The following XRN1 variants were observed in gnomAD, a reference collection of about 807,000 sequenced individuals.
The protein encoded by XRN1 is 5'-3' exoribonuclease 1.
Under a neutral mutation model 222.3 loss-of-function variants are expected in XRN1, and 67 were observed. The observed-to-expected ratio is 0.30, with a 90% CI of 0.25 to 0.37. XRN1 has a LOEUF of 0.37. Ranked by LOEUF, XRN1 falls within the 10% of genes least tolerant of loss-of-function variation. The pLI is 1.00. For missense variants in XRN1, 1,707 were observed against 2,000.2 expected, an observed-to-expected ratio of 0.85 and a Z score of 2.80; for synonymous variants, 643 against 652.4, an observed-to-expected ratio of 0.99 and a Z score of 0.22.
chr3:142,310,012 G>A lies in XRN1; in HGVS notation c.*1499C>T, dbSNP rs1425937202. 1 of 152,556 alleles carries A rather than the reference G, an allele frequency of 6.6e-6. No individual in the cohort carries two copies. The highest frequency in any genetic ancestry group is 1.5e-5 in the Non-Finnish European group (1 of 68,016). 9.5% of individuals were successfully genotyped at this position (152,556 alleles called of 1,614,324 possible). The stretch of plus-strand genomic sequence containing the variant: ...GAAAATAACAGAAAATAAAATCATG[G>A]AAACTTATACGACTATGATAAATGA... On this transcript the variant is annotated 3_prime_UTR_variant, in exon 41 of 41. Transcript: ENST00000392981.
chr3:142,380,302 T>G (rs762410443), intron 22 of XRN1, 122 bp from the exon 23 acceptor site: 63 of 777,904 alleles, frequency 8.1e-5, no homozygotes, highest in Non-Finnish European at 1.1e-4. Context: ...TCTCTTGAAA[T>G]TTGTTAAGTG....
intron 5 of XRN1, among the ~76,000 whole-genome samples, 190 bp downstream of exon 5, chr3:142,425,032 T>C (rs1417768485): frequency 6.6e-6 from 1 of 152,186 alleles, no homozygotes; most frequent in Non-Finnish European, 1.5e-5. Context: ...AGAGATCTGT[T>C]GGTCAATAAA....
At chr3:142,325,039 C>A (rs1163015093) in intron 37 of XRN1, among the ~76,000 whole-genome samples, 1 of 152,118 alleles carries the variant, frequency 6.6e-6, no homozygotes, top group African/African-American at 2.4e-5. Context: ...GGACAAATAT[C>A]TCTTACATAT....
intron 32 of XRN1, among the ~76,000 whole-genome samples, chr3:142,355,137 CACT>C (rs2066427185): frequency 6.6e-6 from 1 of 151,984 alleles, no homozygotes; most frequent in South Asian, 2.1e-4. Context: ...GTACTATGCT[CACT>C]GCCTGGGTGA....
chr3:142,353,744 A>G (rs77524397), intron 32 of XRN1, among the ~76,000 whole-genome samples: 5,692 of 152,310 alleles, frequency 0.037, 359 homozygotes, highest in African/African-American at 0.13. Flanking sequence ...AATCCAGGAA[A>G]TACCACTTGG....
chr3:142,332,822 C>A, intron 35 of XRN1, 145 bp downstream of exon 35: 6 of 1,277,506 alleles, frequency 4.7e-6, no homozygotes, highest in Non-Finnish European at 6.3e-6. Context: ...TTGCCCAGGG[C>A]AGCCTGGTTT....
At chr3:142,401,936 G>A (rs1359682663) in intron 18 of XRN1, among the ~76,000 whole-genome samples, 1 of 152,080 alleles carries the variant, frequency 6.6e-6, no homozygotes, top group Non-Finnish European at 1.5e-5. Context: ...TACATCCTCT[G>A]CTCCATGCTT....
At chr3:142,419,911 G>C (rs372547861) in intron 10 of XRN1, among the ~76,000 whole-genome samples, 1 of 151,992 alleles carries the variant, frequency 6.6e-6, no homozygotes, top group Non-Finnish European at 1.5e-5. Context: ...ACATTCTTTG[G>C]AGATTATCAG....
At chr3:142,418,689 A>G (rs1009237331) in intron 11 of XRN1, 80 bp from the exon 12 acceptor site, 2 of 1,422,568 alleles carry the variant, frequency 1.4e-6, no homozygotes, top group Non-Finnish European at 1.9e-6. Context: ...ATAAATGCAT[A>G]TCCAAGTTGA....
rs377312465 is a variant in XRN1, at chr3:142,370,567, G to A, written c.3122C>T (p.Thr1041Ile). The A allele has an allele frequency of 5.0e-6, 8 of 1,606,050 alleles. No homozygotes were observed. Among genetic ancestry groups the A allele is most frequent in the Non-Finnish European group, 6.8e-6 (8 of 1,177,330 alleles). The change falls in exon 27 of 41, where the codon ACT (threonine) becomes ATT (isoleucine). Residue 1041 changes from threonine (T) to isoleucine (I), a missense_variant. Thr to Ile is a moderately conservative substitution (Grantham distance 89). Transcript: ENST00000392981. ...TAAATCACAAGAAGAACGAGATAAA[G>A]TACTGACAGGATGTCCTTTTAGCCA... Reference protein sequence around the residue: ...ITWLKGHPVSTLSRSSCDLQI... With the variant: ...ITWLKGHPVSILSRSSCDLQI...
rs1427643056 is a variant in XRN1, at chr3:142,400,444, T to C, written c.2207A>G (p.Lys736Arg). The change falls in exon 19 of 41, where the codon AAG becomes AGG. Residue 736 changes from lysine (K) to arginine (R), a missense_variant and splice_region_variant. This residue lies in a region of XRN1 where 1,234 missense variants were observed against 1,518.2 expected (regional missense o/e 0.81). Coordinates refer to ENST00000392981, the MANE Select transcript of XRN1 (RefSeq NM_001282857.2). ...RVVAVSDGET[K>R]FYLEEPPGTQ... Reference sequence around the variant, plus strand: ...AAATTATAAATCAAATCTTACTTACTTAGTTTCTCCATCTGATACAGCCAC... The same window carrying C: ...AAATTATAAATCAAATCTTACTTACCTAGTTTCTCCATCTGATACAGCCAC... The C allele has an allele frequency of 1.3e-6, 2 of 1,595,688 alleles. No individual in the cohort carries two copies. Among genetic ancestry groups the C allele is most frequent in the Non-Finnish European group, 1.7e-6 (2 of 1,170,528 alleles).
At chr3:142,433,837 T>C (rs1409129137) in intron 1 of XRN1, among the ~76,000 whole-genome samples, 1 of 152,188 alleles carries the variant, frequency 6.6e-6, no homozygotes, top group Non-Finnish European at 1.5e-5. Context: ...TTACAACACG[T>C]ACAAGTAACA....
At chr3:142,397,768 T>C (rs1291590596) in intron 19 of XRN1, among the ~76,000 whole-genome samples, 4 of 152,156 alleles carry the variant, frequency 2.6e-5, no homozygotes. Context: ...ATAGCAACAG[T>C]AGGTTGACCA....
chr3:142,412,769 G>C, intron 14 of XRN1, 106 bp from the exon 15 acceptor site: 1 of 1,012,272 alleles, frequency 9.9e-7, no homozygotes, highest in Admixed American at 3.3e-5. Context: ...AAATTTCTAA[G>C]CAAAGCAAAC....
chr3:142,365,038 G>A lies in XRN1; in HGVS notation c.3394+9C>T, dbSNP rs2066773034. On this transcript the variant is annotated intron_variant, in intron 29 of 40. Transcript: ENST00000392981. The stretch of plus-strand genomic sequence containing the variant: ...TACGTTGAAGACATTTCAAGTATTA[G>A]GATATTACCTCCTTTTATTCCTATG... 2 of 1,610,934 alleles carry A rather than the reference G, an allele frequency of 1.2e-6. No homozygotes were observed. The highest frequency in any genetic ancestry group is 1.7e-6 in the Non-Finnish European group (2 of 1,178,924).
In XRN1 at chr3:142,313,145, A is replaced by G. The variant is rs776617685; in HGVS notation, c.4622-387T>C. ...ATCTTAAGGATCTCACCTGCCCCCA[A>G]TGCATAGTTGCTTCCATAGTGATCC... On this transcript the variant is annotated intron_variant, in intron 39 of 40. Coordinates refer to ENST00000392981, the MANE Select transcript of XRN1 (RefSeq NM_001282857.2). 9.9e-6 allele frequency: 16 copies of G among 1,612,742 alleles called. 1 individual carries two copies. The highest frequency in any genetic ancestry group is 6.7e-5 in the East Asian group (3 of 44,846).
At position 142,369,285 on chromosome 3, in the gene XRN1, C is replaced by T. The variant is rs115762489; in HGVS notation, c.3204+1200G>A. ...GTCTACTCCTTAAAAGAAAGCGAGACGTAAGAAATAGGAGAGATTGAGGGA... is the reference window on the plus strand; with the variant it reads ...GTCTACTCCTTAAAAGAAAGCGAGATGTAAGAAATAGGAGAGATTGAGGGA... On this transcript the variant is annotated intron_variant, in intron 27 of 40. Coordinates refer to ENST00000392981, the MANE Select transcript of XRN1 (RefSeq NM_001282857.2). Among the ~76,000 whole-genome samples the T allele has an allele frequency of 3.3e-3, 503 of 152,116 alleles. 1 individual carries two copies. The highest frequency in any genetic ancestry group is 0.011 in the African/African-American group (455 of 41,502).
intron 6 of XRN1, among the ~76,000 whole-genome samples, chr3:142,423,290 G>A (rs972504049): frequency 8.6e-5 from 13 of 151,870 alleles, no homozygotes; most frequent in Non-Finnish European, 8.8e-5. Context: ...GAATGAAGTT[G>A]GGCCCTTACC....
chr3:142,418,238 A>G lies in XRN1; in HGVS notation c.1346+266T>C, dbSNP rs567721210. ...CTTATTGGACATTTAGATTATTTCT[A>G]ATTTTTTTACTATTATAAACAACTT... On this transcript the variant is annotated intron_variant, in intron 12 of 40. Coordinates refer to ENST00000392981, the MANE Select transcript of XRN1 (RefSeq NM_001282857.2). The G allele has an allele frequency of 1.5e-5, 5 of 331,272 alleles. No individual in the cohort carries two copies. The East Asian group carries it at 2.2e-4, about 14-fold the overall frequency. The allele number at this position is 331,272 out of a possible 1,614,324, so 20.5% of individuals were successfully genotyped here. A position where few individuals can be genotyped will look rare whatever the true frequency, so the allele number is the denominator to read the frequency against.
Sources: gnomAD v4.1 joint callset for allele counts (sites outside exome capture counted in the v4.1 genomes callset) on GRCh38, gnomAD v4.1.1 for gene constraint, gnomAD v4.1.1 regional missense constraint, MANE v1.5 for transcripts, NCBI Gene and HGNC (gene_info 2026-07-23, HGNC 2026-07-21) for gene names.